Variants in FILIP1 observed in about 807,000 individuals in gnomAD.
FILIP1 encodes the protein filamin A interacting protein 1.
A neutral mutation model predicts 102.1 loss-of-function variants in FILIP1; 61 were observed. The observed-to-expected ratio is 0.60, with a 90% CI of 0.49 to 0.74. The LOEUF is 0.74. Among genes scored for constraint, FILIP1 ranks in the 30% least tolerant of loss-of-function variants. The pLI is 0.00. For synonymous variants in FILIP1, 491 were observed against 526.9 expected (o/e 0.93, Z 0.93); for missense variants, 1,314 against 1,441.2 (o/e 0.91, Z 1.43).
intron 2 of FILIP1, among the ~76,000 whole-genome samples, chr6:75,378,918 A>G (rs1775820383): frequency 6.6e-6 from 1 of 152,224 alleles, no homozygotes; most frequent in African/African-American, 2.4e-5. Flanking sequence ...TGCCACCACC[A>G]AAATCTAAAA....
At chr6:75,331,810 G>C (rs935079341) in intron 4 of FILIP1, among the ~76,000 whole-genome samples, 1 of 152,056 alleles carries the variant, frequency 6.6e-6, no homozygotes, top group Non-Finnish European at 1.5e-5. Context: ...GTGAATTGAA[G>C]GTTTATATCC....
At chr6:75,408,865 G>A (rs1477815214) in intron 2 of FILIP1, among the ~76,000 whole-genome samples, 1 of 152,122 alleles carries the variant, frequency 6.6e-6, no homozygotes, top group African/African-American at 2.4e-5. Flanking sequence ...CACAACTCCA[G>A]AAGACACCAT....
chr6:75,314,785 G>C lies in FILIP1; in HGVS notation c.1047C>G (p.Asn349Lys). ...TQRIEELEETNKNLQKAEEEL... is the reference protein window; with the variant it reads ...TQRIEELEETKKNLQKAEEEL... Reference sequence around the variant, plus strand: ...CTTCCTCTGCCTTCTGCAGATTTTTGTTGGTCTCTTCTAGCTCCTCGATTC... The same window carrying C: ...CTTCCTCTGCCTTCTGCAGATTTTTCTTGGTCTCTTCTAGCTCCTCGATTC... The change falls in exon 5 of 6, where the codon AAC becomes AAG. Residue 349 changes from asparagine (N) to lysine (K), a missense_variant. Transcript: ENST00000237172. 1 of 1,613,766 alleles carries C rather than the reference G, an allele frequency of 6.2e-7. No individual in the cohort carries two copies. The highest frequency in any genetic ancestry group is 8.5e-7 in the Non-Finnish European group (1 of 1,179,950).
chr6:75,465,427 C>A, intron 1 of FILIP1: 4 of 696,288 alleles, frequency 5.7e-6, no homozygotes, highest in South Asian at 5.1e-5. Flanking sequence ...AGTGGTGGAC[C>A]CATTTCACTG....
At chr6:75,438,764 T>C (rs1272608478) in intron 1 of FILIP1, among the ~76,000 whole-genome samples, 1 of 152,140 alleles carries the variant, frequency 6.6e-6, no homozygotes, top group Non-Finnish European at 1.5e-5. Flanking sequence ...TCTCAAAAGT[T>C]CTCAGAATCA....
chr6:75,396,885 C>T (rs1301426818), intron 2 of FILIP1, among the ~76,000 whole-genome samples: 1 of 151,906 alleles, frequency 6.6e-6, no homozygotes, highest in Admixed American at 6.6e-5. Context: ...GTATACTGGG[C>T]ACTTCAGGCT....
At chr6:75,425,543 C>T (rs1023609622) in intron 1 of FILIP1, among the ~76,000 whole-genome samples, 7 of 152,134 alleles carry the variant, frequency 4.6e-5, no homozygotes, top group Non-Finnish European at 8.8e-5. Flanking sequence ...CTTAAGGTGT[C>T]TCATCACCTC....
chr6:75,362,730 T>C lies in FILIP1; in HGVS notation c.450+14A>G. On this transcript the variant is annotated intron_variant, in intron 3 of 5. Transcript: ENST00000237172. Reference sequence around the variant, plus strand: ...GGTTCCCATCCAGGGGACTTGTTGGTGTCATATTTTTACCTCTGAAATCGG... The same window carrying C: ...GGTTCCCATCCAGGGGACTTGTTGGCGTCATATTTTTACCTCTGAAATCGG... The C allele has an allele frequency of 6.2e-7, 1 of 1,610,634 alleles. No individual in the cohort carries two copies. The highest frequency in any genetic ancestry group is 2.2e-5 in the East Asian group (1 of 44,850).
At chr6:75,465,399 A>G (rs1779133601) in intron 1 of FILIP1, 3 of 559,324 alleles carry the variant, frequency 5.4e-6, no homozygotes, top group African/African-American at 2.0e-5. Context: ...ATCTGAATGG[A>G]GTTACTAGCT....
At chr6:75,348,074 CACACACACACACAT>C (rs1368566569) in intron 4 of FILIP1, among the ~76,000 whole-genome samples, 6 of 151,804 alleles carry the variant, frequency 4.0e-5, no homozygotes, top group Admixed American at 3.9e-4. Flanking sequence ...CACACACACA[CACACACACACACAT>C]ACACACACTT....
chr6:75,490,485 T>G (rs534147744), intron 1 of FILIP1, among the ~76,000 whole-genome samples: 48 of 152,272 alleles, frequency 3.2e-4, no homozygotes, highest in African/African-American at 1.2e-3. Flanking sequence ...AATGTTTTCT[T>G]GTTCAAAGCC....
intron 1 of FILIP1, chr6:75,473,940 A>G (rs1333229585): frequency 2.0e-5 from 3 of 152,228 alleles, no homozygotes; most frequent in Non-Finnish European, 4.4e-5. Context: ...TTTTGGCACT[A>G]TGACCTCTAG....
Position 75,434,224 on chromosome 6 carries a change from A to G in FILIP1, c.-6-19246T>C, listed in dbSNP as rs148096641. 5.2e-3 allele frequency among the ~76,000 whole-genome samples: 799 copies of G among 152,294 alleles called. 6 individuals are homozygous for G. The highest frequency in any genetic ancestry group is 0.019 in the African/African-American group (773 of 41,542). On this transcript the variant is annotated intron_variant, in intron 1 of 5. Coordinates refer to ENST00000237172, the MANE Select transcript of FILIP1 (RefSeq NM_015687.5). ...AAAGTAGTTTTTTCCAATTCTGTAA[A>G]GACAGTCATTGGTAGCTTGATGGGG... is the stretch of plus-strand genomic sequence containing the variant.
chr6:75,441,227 A>G (rs1415016488), intron 1 of FILIP1, among the ~76,000 whole-genome samples: 1 of 151,832 alleles, frequency 6.6e-6, no homozygotes, highest in Non-Finnish European at 1.5e-5. Context: ...AACAAAGCAC[A>G]TCTTGCACCG....
At chr6:75,437,143 C>G (rs1222391580) in intron 1 of FILIP1, among the ~76,000 whole-genome samples, 1 of 152,224 alleles carries the variant, frequency 6.6e-6, no homozygotes, top group Non-Finnish European at 1.5e-5. Flanking sequence ...CCAGATAAAC[C>G]TGGCATCATT....
At chr6:75,443,033 A>T (rs1778325998) in intron 1 of FILIP1, among the ~76,000 whole-genome samples, 1 of 152,248 alleles carries the variant, frequency 6.6e-6, no homozygotes, top group African/African-American at 2.4e-5. Flanking sequence ...GTGAAAGTGT[A>T]AAGTTTCTTA....
intron 2 of FILIP1, among the ~76,000 whole-genome samples, chr6:75,383,968 A>AT (rs1219962034): frequency 6.6e-6 from 1 of 152,058 alleles, no homozygotes; most frequent in African/African-American, 2.4e-5. Context: ...GTACCACCTT[A>AT]TTTTTTTATT....
intron 1 of FILIP1, among the ~76,000 whole-genome samples, chr6:75,456,849 T>C (rs1449108434): frequency 6.6e-6 from 1 of 152,170 alleles, no homozygotes; most frequent in African/African-American, 2.4e-5. Flanking sequence ...TGAGACATCG[T>C]ATTCCCAAAA....
intron 4 of FILIP1, among the ~76,000 whole-genome samples, chr6:75,326,577 T>G (rs1427097089): frequency 6.6e-6 from 1 of 152,312 alleles, no homozygotes; most frequent in Non-Finnish European, 1.5e-5. Context: ...TGACAACATA[T>G]GAAATAAAAG....
Sources: allele counts gnomAD v4.1 joint callset (sites outside exome capture counted in the v4.1 genomes callset), GRCh38; gene constraint gnomAD v4.1.1; transcripts MANE v1.5; gene names NCBI Gene and HGNC (gene_info 2026-07-23, HGNC 2026-07-21).